Variants in DHX35 observed in about 807,000 individuals in gnomAD.
The protein encoded by DHX35 is DEAH-box helicase 35, also known as probable ATP-dependent RNA helicase DHX35.
DHX35 carries 84 observed loss-of-function variants against 99.6 expected under a neutral mutation model. The ratio of observed to expected loss-of-function variants is 0.84; its 90% CI spans 0.71 to 1.01. The LOEUF (loss-of-function observed/expected upper bound fraction) is 1.01. Ranked by LOEUF, DHX35 falls within the 50% of genes least tolerant of loss-of-function variation. The probability of loss-of-function intolerance (pLI) is 0.00; values close to 1 mark genes in which losing one functional copy is unlikely to be tolerated. For synonymous variants in DHX35, 331 were observed against 316.2 expected, an observed-to-expected ratio of 1.05 and a Z score of -0.50; for missense variants, 852 against 888.5, an observed-to-expected ratio of 0.96 and a Z score of 0.52.
chr20:39,022,699 C>T (rs2086893873), intron 16 of DHX35, among the ~76,000 whole-genome samples: 2 of 152,230 alleles, frequency 1.3e-5, no homozygotes, highest in Non-Finnish European at 2.9e-5. Flanking sequence ...GGGCACCACA[C>T]GACATCATGG....
chr20:38,979,241 A>G (rs1348813160), intron 3 of DHX35, among the ~76,000 whole-genome samples: 3 of 151,996 alleles, frequency 2.0e-5, no homozygotes, highest in Non-Finnish European at 4.4e-5. Flanking sequence ...TAGGTTGTTT[A>G]CAGTTTTGTA....
intron 1 of DHX35, among the ~76,000 whole-genome samples, chr20:38,963,835 T>C (rs2085871160): frequency 6.6e-6 from 1 of 152,208 alleles, no homozygotes; most frequent in Admixed American, 6.5e-5. Context: ...TAAAGTTAGA[T>C]GTCCTCTAGA....
At chr20:38,979,104 T>C (rs193268160) in intron 3 of DHX35, among the ~76,000 whole-genome samples, 1 of 152,326 alleles carries the variant, frequency 6.6e-6, no homozygotes, top group East Asian at 1.9e-4. Flanking sequence ...TTGTAACGTT[T>C]TTTGAAGTCA....
intron 10 of DHX35, 70 bp downstream of exon 10, chr20:39,002,938 T>TA (rs2086545751): frequency 2.3e-6 from 3 of 1,298,776 alleles, no homozygotes; most frequent in Non-Finnish European, 3.3e-6. Flanking sequence ...AGAGCCTTGT[T>TA]ACTTTACTCA....
intron 7 of DHX35, 22 bp downstream of exon 7, chr20:38,992,447 T>C (rs1318955127): frequency 1.2e-6 from 2 of 1,612,198 alleles, no homozygotes; most frequent in Admixed American, 3.3e-5. Context: ...CTGCCAGCTT[T>C]TCATTGTGTG....
At chr20:39,038,459 C>G in intron 21 of DHX35, 40 bp from the exon 22 acceptor site, 1 of 1,612,192 alleles carries the variant, frequency 6.2e-7, no homozygotes, top group Non-Finnish European at 8.5e-7. Context: ...GTTTCTTTGT[C>G]TAATCAACCC....
chr20:38,994,732 T>G, intron 7 of DHX35, 89 bp from the exon 8 acceptor site: 1 of 1,037,824 alleles, frequency 9.6e-7, no homozygotes, highest in Non-Finnish European at 1.4e-6. Context: ...AAAAAGACAC[T>G]GAATTTTTGA....
At chr20:39,010,534 T>G in intron 13 of DHX35, 130 bp downstream of exon 13, 1 of 1,303,560 alleles carries the variant, frequency 7.7e-7, no homozygotes, top group Non-Finnish European at 1.0e-6. Context: ...GTGTCTGCTT[T>G]GCAACCAGGC....
chr20:38,982,918 T>A (rs2086194837), intron 3 of DHX35, among the ~76,000 whole-genome samples: 1 of 151,748 alleles, frequency 6.6e-6, no homozygotes, highest in Non-Finnish European at 1.5e-5. Flanking sequence ...TAAATACACT[T>A]AATCAAATTT....
In DHX35 at chr20:39,003,206, T is replaced by C. The variant is rs1301124375; in HGVS notation, c.852+338T>C. ...TGCACACATGTTGCTGCTGTGTACC[T>C]CTTTTTCCAGTGACACCTTTACAGC... On this transcript the variant is annotated intron_variant, in intron 10 of 21. Transcript: ENST00000252011. 2.6e-5 allele frequency among the ~76,000 whole-genome samples: 4 copies of C among 152,222 alleles called. No homozygotes were observed. The East Asian group carries it at 7.7e-4, about 29-fold the overall frequency.
intron 3 of DHX35, chr20:38,978,326 C>T (rs904322019): frequency 3.7e-5 from 28 of 755,388 alleles, no homozygotes; most frequent in East Asian, 2.5e-4. Context: ...TCATTATCCA[C>T]CTTAAAGTGA....
At chr20:38,991,541 T>G in intron 6 of DHX35, 26 bp downstream of exon 6, 2 of 1,605,514 alleles carry the variant, frequency 1.2e-6, no homozygotes, top group Non-Finnish European at 1.7e-6. Context: ...TTATGATAGC[T>G]TTCCTAGTTT....
At position 38,969,208 on chromosome 20, in the gene DHX35, A is replaced by G. The variant is rs2085957266; in HGVS notation, c.168A>G (p.Val56=). The G allele has an allele frequency of 3.7e-6, 6 of 1,607,342 alleles. No individual in the cohort carries two copies. The highest frequency in any genetic ancestry group is 8.5e-7 in the Non-Finnish European group (1 of 1,176,142). Residue 56 remains valine (V), a synonymous_variant, in exon 2 of 22, where the codon GTA becomes GTG. Coordinates refer to ENST00000252011, the MANE Select transcript of DHX35 (RefSeq NM_021931.4). ...SIEQQRQKLP[V]FKLRNHILYL... is the part of the protein sequence containing the mutation. Reference sequence around the variant, plus strand: ...AGCAGCAGAGGCAGAAGCTGCCGGTATTCAAGGTACGTCAAATAATCATGT... The same window carrying G: ...AGCAGCAGAGGCAGAAGCTGCCGGTGTTCAAGGTACGTCAAATAATCATGT...
rs2087195605 is a variant in DHX35 at position 39,038,611 on chromosome 20, C to T, written c.*68C>T. 1 of 1,544,886 alleles carries T rather than the reference C, an allele frequency of 6.5e-7. No homozygotes were observed. The highest frequency in any genetic ancestry group is 1.9e-5 in the Admixed American group (1 of 54,032). On this transcript the variant is annotated 3_prime_UTR_variant, in exon 22 of 22. Transcript: ENST00000252011. ...TCCTCCATGCTGCTGCCCCTGGTCC[C>T]AGGTGGGGTGAGCTGGCACCAGCTC...
At chr20:39,016,174 C>G (rs1387448020) in intron 14 of DHX35, among the ~76,000 whole-genome samples, 1 of 152,146 alleles carries the variant, frequency 6.6e-6, no homozygotes, top group Non-Finnish European at 1.5e-5. Context: ...GTGCAGAGAT[C>G]ACATGGCAAG....
chr20:39,035,101 T>C (rs2087127370), intron 21 of DHX35, among the ~76,000 whole-genome samples: 1 of 151,838 alleles, frequency 6.6e-6, no homozygotes, highest in Non-Finnish European at 1.5e-5. Context: ...GGACAGAGTC[T>C]TGCCCTGTCA....
intron 6 of DHX35, 78 bp from the exon 7 acceptor site, chr20:38,992,278 A>G: frequency 8.2e-7 from 1 of 1,220,618 alleles, no homozygotes. Context: ...CTAAATACCC[A>G]GAAGCTCTTT....
rs113998361 is a variant in DHX35, at chr20:38,976,266, C to G, written c.267+3615C>G. ...GCCCTGTCTTCCTGGTACCCATTTC[C>G]TTTGTGCAGTTATAATCAGTATTAT... On this transcript the variant is annotated intron_variant, in intron 3 of 21. Coordinates refer to ENST00000252011, the MANE Select transcript of DHX35 (RefSeq NM_021931.4). 3.9e-3 allele frequency among the ~76,000 whole-genome samples: 589 copies of G among 151,902 alleles called. 4 individuals are homozygous for G. Among genetic ancestry groups the G allele is most frequent in the Middle Eastern group, 0.014 (4 of 292 alleles).
chr20:38,990,416 A>G (rs1306475119), intron 5 of DHX35, among the ~76,000 whole-genome samples: 2 of 152,250 alleles, frequency 1.3e-5, no homozygotes. Flanking sequence ...GAAGCATTTT[A>G]TAAAGATTCA....
Sources: gnomAD v4.1 joint callset for allele counts (sites outside exome capture counted in the v4.1 genomes callset) on GRCh38, gnomAD v4.1.1 for gene constraint, MANE v1.5 for transcripts, NCBI Gene and HGNC (gene_info 2026-07-23, HGNC 2026-07-21) for gene names.